Variants in AFG1L observed in about 807,000 individuals in gnomAD.
AFG1L encodes AFG1 like ATPase.
AFG1L carries 53 observed loss-of-function variants against 62.2 expected under a neutral mutation model. The ratio of observed to expected loss-of-function variants is 0.85; its 90% CI spans 0.68 to 1.07. AFG1L has a LOEUF of 1.07. AFG1L is among the 50% of genes least tolerant of loss of function. The pLI is 0.00. For synonymous variants in AFG1L, 228 were observed against 210.3 expected (o/e 1.08, Z -0.73); for missense variants, 555 against 590.5 (o/e 0.94, Z 0.62).
At chr6:108,408,050 A>G (rs1181220968) in intron 7 of AFG1L, among the ~76,000 whole-genome samples, 2 of 151,086 alleles carry the variant, frequency 1.3e-5, no homozygotes, top group Non-Finnish European at 2.9e-5. Context: ...TGAGTCTGTT[A>G]CTTCCTTTAA....
chr6:108,485,429 AT>A (rs1316503728), intron 10 of AFG1L, among the ~76,000 whole-genome samples: 1 of 151,184 alleles, frequency 6.6e-6, no homozygotes. Flanking sequence ...TACTTTCAAT[AT>A]GTTCTCCATA....
intron 7 of AFG1L, among the ~76,000 whole-genome samples, chr6:108,403,755 A>G (rs1463906646): frequency 6.6e-6 from 1 of 152,084 alleles, no homozygotes; most frequent in South Asian, 2.1e-4. Flanking sequence ...GAAACAAGTT[A>G]AGGGGTTCTG....
intron 10 of AFG1L, among the ~76,000 whole-genome samples, chr6:108,487,990 T>C (rs1291751043): frequency 6.6e-6 from 1 of 152,190 alleles, no homozygotes; most frequent in Non-Finnish European, 1.5e-5. Context: ...AACAGGTCAG[T>C]ATACTCTGGG....
chr6:108,336,019 C>T (rs995773557), intron 2 of AFG1L, among the ~76,000 whole-genome samples: 5 of 152,132 alleles, frequency 3.3e-5, no homozygotes, highest in African/African-American at 7.2e-5. Flanking sequence ...TTTAGGCTGC[C>T]GAGATTCTTT....
intron 8 of AFG1L, among the ~76,000 whole-genome samples, chr6:108,471,703 C>T (rs1772905847): frequency 6.6e-6 from 1 of 151,968 alleles, no homozygotes. Flanking sequence ...TCTTGATCCG[C>T]CCGCCTCGGC....
chr6:108,401,871 T>A, intron 6 of AFG1L, 125 bp from the exon 7 acceptor site: 1 of 531,546 alleles, frequency 1.9e-6, no homozygotes, highest in Non-Finnish European at 3.3e-6. Context: ...AATTTTGGTC[T>A]TTTTTTCTTT....
At chr6:108,353,259 A>G (rs966593323) in intron 3 of AFG1L, among the ~76,000 whole-genome samples, 2 of 151,666 alleles carry the variant, frequency 1.3e-5, no homozygotes, top group Middle Eastern at 3.4e-3. Context: ...GGCTCAAGCA[A>G]TCCTCCCATT....
At chr6:108,406,562 C>T (rs866877926) in intron 7 of AFG1L, among the ~76,000 whole-genome samples, 9 of 152,118 alleles carry the variant, frequency 5.9e-5, no homozygotes, top group Middle Eastern at 3.4e-3. Context: ...CTCAGCCTCC[C>T]GAGTAGCTGG....
intron 2 of AFG1L, among the ~76,000 whole-genome samples, chr6:108,324,401 C>T (rs954985063): frequency 1.3e-5 from 2 of 152,152 alleles, no homozygotes; most frequent in Admixed American, 1.3e-4. Context: ...CCTTCTTTCT[C>T]TGTTTGCCTG....
chr6:108,310,102 G>A (rs895228343), intron 1 of AFG1L, among the ~76,000 whole-genome samples: 1 of 152,142 alleles, frequency 6.6e-6, no homozygotes, highest in Non-Finnish European at 1.5e-5. Flanking sequence ...TTTGTGTCAC[G>A]GTTCAGGAAC....
At chr6:108,434,409 C>G (rs1027765801) in intron 7 of AFG1L, among the ~76,000 whole-genome samples, 1 of 152,174 alleles carries the variant, frequency 6.6e-6, no homozygotes, top group African/African-American at 2.4e-5. Flanking sequence ...AATGGCATAG[C>G]CATGTGGTTG....
At chr6:108,433,314 C>T (rs1168903850) in intron 7 of AFG1L, among the ~76,000 whole-genome samples, 2 of 152,032 alleles carry the variant, frequency 1.3e-5, no homozygotes, top group Non-Finnish European at 2.9e-5. Context: ...GAGTCTTGCT[C>T]AGTCGCCCAG....
chr6:108,406,729 T>C (rs9486877), intron 7 of AFG1L, among the ~76,000 whole-genome samples: 85,469 of 152,054 alleles, frequency 0.56, 24,371 homozygotes, highest in South Asian at 0.68. Flanking sequence ...TGAGCCACTG[T>C]GCCTGGCCTT....
Position 108,310,292 on chromosome 6 carries a change from T to G in AFG1L, c.140-13533T>G, listed in dbSNP as rs983642312. ...CTCTAACACTAGTTATTGTCTGTCT[T>G]TCTTATCATTGCGATCCTAGTAGAT... On this transcript the variant is annotated intron_variant, in intron 1 of 12. Transcript: ENST00000368977. Among the ~76,000 whole-genome samples, 39 of 152,362 alleles carry G rather than the reference T, an allele frequency of 2.6e-4. No individual in the cohort carries two copies. In the East Asian group the frequency reaches 6.2e-3, roughly 24 times the overall value.
chr6:108,518,617 T>A (rs1774996188), intron 11 of AFG1L, among the ~76,000 whole-genome samples: 1 of 152,172 alleles, frequency 6.6e-6, no homozygotes, highest in Non-Finnish European at 1.5e-5. Context: ...AACCTGCACG[T>A]TGTGCACATG....
intron 8 of AFG1L, among the ~76,000 whole-genome samples, chr6:108,455,367 A>T (rs1385995006): frequency 6.6e-6 from 1 of 152,194 alleles, no homozygotes; most frequent in Non-Finnish European, 1.5e-5. Context: ...AAAGATTTTT[A>T]AAAAGATAGC....
intron 7 of AFG1L, among the ~76,000 whole-genome samples, chr6:108,416,668 A>G (rs1340784627): frequency 2.0e-5 from 3 of 152,174 alleles, no homozygotes; most frequent in Admixed American, 6.5e-5. Flanking sequence ...GCAAATTATC[A>G]TAAGGACAGA....
chr6:108,338,312 G>T (rs1382804460), intron 2 of AFG1L, among the ~76,000 whole-genome samples: 1 of 152,142 alleles, frequency 6.6e-6, no homozygotes, highest in Non-Finnish European at 1.5e-5. Context: ...TGCTAAGAGT[G>T]GGAATATTTA....
rs1328102820 is a variant in AFG1L at position 108,295,156 on chromosome 6, G to A, written c.77G>A (p.Cys26Tyr). ...CCGCTGAGAGGGAGATGTGTTGGGT[G>A]CGGGGCCTGGGCCGCCGCTCTCGCT... is the stretch of plus-strand genomic sequence containing the variant. ...QSPLRGRCVG[C>Y]GAWAAALAPL... Residue 26 changes from cysteine to tyrosine, a missense_variant, in exon 1 of 13, where the codon TGC (cysteine) becomes TAC (tyrosine). Transcript: ENST00000368977. The A allele has an allele frequency of 6.2e-7, 1 of 1,609,790 alleles. No individual in the cohort carries two copies.
Sources: allele counts gnomAD v4.1 joint callset (sites outside exome capture counted in the v4.1 genomes callset), GRCh38; gene constraint gnomAD v4.1.1; transcripts MANE v1.5; gene names NCBI Gene and HGNC (gene_info 2026-07-23, HGNC 2026-07-21).